Variants in PTPRG observed in about 807,000 individuals in gnomAD.
PTPRG encodes the protein protein tyrosine phosphatase receptor type G.
A neutral mutation model predicts 165.3 loss-of-function variants in PTPRG; 102 were observed. The ratio of observed to expected loss-of-function variants is 0.62; its 90% CI spans 0.53 to 0.73. PTPRG has a LOEUF of 0.73. Among genes scored for constraint, PTPRG ranks in the 30% least tolerant of loss-of-function variants. The pLI, the probability that PTPRG is intolerant of heterozygous loss-of-function variation, is 0.00. For synonymous variants in PTPRG, 675 were observed against 669.5 expected, an observed-to-expected ratio of 1.01 and a Z score of -0.13; for missense variants, 1,866 against 1,861.4, an observed-to-expected ratio of 1.00 and a Z score of -0.05.
At chr3:62,119,180 C>A (rs531449914) in intron 5 of PTPRG, among the ~76,000 whole-genome samples, 1 of 152,286 alleles carries the variant, frequency 6.6e-6, no homozygotes, top group Admixed American at 6.5e-5. Flanking sequence ...TGGGTGTGAG[C>A]ATTTCTGACC....
intron 2 of PTPRG, among the ~76,000 whole-genome samples, chr3:61,964,614 C>T (rs1207920455): frequency 3.3e-5 from 5 of 152,182 alleles, no homozygotes; most frequent in African/African-American, 4.8e-5. Context: ...TCTCCAGGCA[C>T]CTATAAAGCC....
At chr3:61,664,488 T>C (rs78982896) in intron 1 of PTPRG, among the ~76,000 whole-genome samples, 1,741 of 152,344 alleles carry the variant, frequency 0.011, 30 homozygotes, top group African/African-American at 0.039. Flanking sequence ...ACAATTCACT[T>C]CTACCTTTGT....
Position 62,025,585 on chromosome 3 carries a change from G to A in PTPRG, c.519+22088G>A, listed in dbSNP as rs531540524. On this transcript the variant is annotated intron_variant, in intron 4 of 29. Coordinates refer to ENST00000474889, the MANE Select transcript of PTPRG (RefSeq NM_002841.4). ...AGCCGTAAAATGTAACCATTATGGA[G>A]TAATTTTTTTCCCTTTTAAGTCTTT... 9.9e-5 allele frequency among the ~76,000 whole-genome samples: 15 copies of A among 152,252 alleles called. 1 individual carries two copies. In the South Asian group the frequency reaches 2.9e-3, roughly 29 times the overall value.
chr3:61,869,919 T>G (rs1222062826), intron 2 of PTPRG, among the ~76,000 whole-genome samples: 1 of 152,092 alleles, frequency 6.6e-6, no homozygotes, highest in Admixed American at 6.5e-5. Context: ...CATTCTTGAC[T>G]ACGTCACCTA....
At chr3:62,177,907 C>T (rs947939673) in intron 8 of PTPRG, among the ~76,000 whole-genome samples, 1 of 152,132 alleles carries the variant, frequency 6.6e-6, no homozygotes, top group Non-Finnish European at 1.5e-5. Flanking sequence ...GATTTTTCCC[C>T]CTAATATCCA....
At chr3:61,937,041 A>T (rs1340908869) in intron 2 of PTPRG, among the ~76,000 whole-genome samples, 1 of 152,118 alleles carries the variant, frequency 6.6e-6, no homozygotes, top group African/African-American at 2.4e-5. Context: ...TCCCTCGGGG[A>T]TGCTATGAAC....
rs2035523906 is a variant in PTPRG, at chr3:61,809,902, C to T, written c.190+60920C>T. Among the ~76,000 whole-genome samples, 2 of 152,156 alleles carry T rather than the reference C, an allele frequency of 1.3e-5. 1 individual carries two copies. Among genetic ancestry groups the T allele is most frequent in the Non-Finnish European group, 2.9e-5 (2 of 68,026 alleles). ...GGTGATTAAGCAGAACAGTTTTCCC[C>T]CAGCTCCTGTATCAGGGAGGCAGAG... On this transcript the variant is annotated intron_variant, in intron 2 of 29. Coordinates refer to ENST00000474889, the MANE Select transcript of PTPRG (RefSeq NM_002841.4).
At chr3:62,117,881 G>T (rs536498457) in intron 5 of PTPRG, among the ~76,000 whole-genome samples, 1 of 152,294 alleles carries the variant, frequency 6.6e-6, no homozygotes, top group Non-Finnish European at 1.5e-5. Flanking sequence ...AATATTTGTT[G>T]AATGTATGAA....
At chr3:61,696,164 A>G (rs1451391190) in intron 1 of PTPRG, among the ~76,000 whole-genome samples, 2 of 152,166 alleles carry the variant, frequency 1.3e-5, no homozygotes, top group South Asian at 2.1e-4. Flanking sequence ...TGTTTGTGCT[A>G]TTTTGTTGTT....
intron 6 of PTPRG, among the ~76,000 whole-genome samples, chr3:62,155,014 C>T (rs973774566): frequency 1.3e-5 from 2 of 152,214 alleles, no homozygotes; most frequent in Admixed American, 6.5e-5. Context: ...GCCAAGCATG[C>T]TTGCAGAGAT....
intron 4 of PTPRG, among the ~76,000 whole-genome samples, chr3:62,074,811 G>C (rs774035460): frequency 6.6e-6 from 1 of 152,134 alleles, no homozygotes; most frequent in Non-Finnish European, 1.5e-5. Context: ...TCTGGGCACA[G>C]TTCATTTTGA....
rs1442823493 is a variant in PTPRG at position 62,229,906 on chromosome 3, A to C, written c.2289-1319A>C. Among the ~76,000 whole-genome samples the C allele has an allele frequency of 2.0e-5, 3 of 152,234 alleles. No homozygotes were observed. Among genetic ancestry groups the C allele is most frequent in the Non-Finnish European group, 1.5e-5 (1 of 68,036 alleles). ...AAAGAGTGAATCTGGCAGAATTCAG[A>C]GTAGGGCTAAGGGTTGAGAAAAAGT... On this transcript the variant is annotated intron_variant, in intron 13 of 29. Coordinates refer to ENST00000474889, the MANE Select transcript of PTPRG (RefSeq NM_002841.4). This position sits in a 1 kb window ranked among gnomAD's most constrained non-coding sequence, Gnocchi z 4.6.
At chr3:62,156,022 A>T (rs1704523748) in intron 6 of PTPRG, among the ~76,000 whole-genome samples, 1 of 152,214 alleles carries the variant, frequency 6.6e-6, no homozygotes, top group Non-Finnish European at 1.5e-5. Context: ...CTGGAGATGT[A>T]TGTAGAGACT....
At position 61,727,245 on chromosome 3, in the gene PTPRG, G is replaced by A. The variant is rs371590733; in HGVS notation, c.86-21633G>A. ...TTTTTTGAGATGGAGTAGTGCGGTGGAGTGATCTCATCTCACTGCAACCTC... is the reference window on the plus strand; with the variant it reads ...TTTTTTGAGATGGAGTAGTGCGGTGAAGTGATCTCATCTCACTGCAACCTC... On this transcript the variant is annotated intron_variant, in intron 1 of 29. Coordinates refer to ENST00000474889, the MANE Select transcript of PTPRG (RefSeq NM_002841.4). Among the ~76,000 whole-genome samples, 10 of 151,532 alleles carry A rather than the reference G, an allele frequency of 6.6e-5. No homozygotes were observed. The East Asian group carries it at 1.2e-3, about 18-fold the overall frequency.
intron 4 of PTPRG, among the ~76,000 whole-genome samples, chr3:62,045,846 T>C (rs1380417575): frequency 6.6e-6 from 1 of 152,202 alleles, no homozygotes; most frequent in Non-Finnish European, 1.5e-5. Flanking sequence ...CATAAACATA[T>C]TTGAAGTGAG....
chr3:62,105,568 G>A (rs1466138021), intron 5 of PTPRG, among the ~76,000 whole-genome samples: 1 of 152,200 alleles, frequency 6.6e-6, no homozygotes, highest in Admixed American at 6.5e-5. Context: ...CTTGTCTAGA[G>A]AGGCATTTAA....
chr3:61,738,018 C>A (rs2032788218), intron 1 of PTPRG, among the ~76,000 whole-genome samples: 2 of 150,100 alleles, frequency 1.3e-5, no homozygotes, highest in South Asian at 4.3e-4. Flanking sequence ...ACGCCATTCT[C>A]CTGCCTCAGC....
intron 17 of PTPRG, chr3:62,263,493 GACC>G (rs1701763050): frequency 6.6e-6 from 1 of 152,514 alleles, no homozygotes; most frequent in African/African-American, 2.4e-5. Context: ...ATGGCTAGAA[GACC>G]ACATTTCACA....
chr3:61,697,604 C>A (rs903728879), intron 1 of PTPRG, among the ~76,000 whole-genome samples: 5 of 152,190 alleles, frequency 3.3e-5, no homozygotes, highest in Non-Finnish European at 7.3e-5. Flanking sequence ...AATAAGATAA[C>A]CTTTGGTAAC....
Sources: gnomAD v4.1 joint callset for allele counts (sites outside exome capture counted in the v4.1 genomes callset) on GRCh38, gnomAD v4.1.1 for gene constraint, Gnocchi (gnomAD v3.1) non-coding constraint, MANE v1.5 for transcripts, NCBI Gene and HGNC (gene_info 2026-07-23, HGNC 2026-07-21) for gene names.